The following ATL1 variants were observed in gnomAD, a reference collection of about 807,000 sequenced individuals.
ATL1 encodes atlastin-1.
A neutral mutation model predicts 75.5 loss-of-function variants in ATL1; 31 were observed. The ratio of observed to expected loss-of-function variants is 0.41; its 90% CI spans 0.31 to 0.55. The LOEUF (loss-of-function observed/expected upper bound fraction) is 0.55. ATL1 is among the 20% of genes least tolerant of loss of function. The pLI, the probability that ATL1 is intolerant of heterozygous loss-of-function variation, is 0.27. For synonymous variants in ATL1, 226 were observed against 233.3 expected (o/e 0.97, Z 0.28); for missense variants, 405 against 662.6 (o/e 0.61, Z 4.27).
At chr14:50,538,726 C>G (rs772700471) in intron 1 of ATL1, among the ~76,000 whole-genome samples, 2 of 152,208 alleles carry the variant, frequency 1.3e-5, no homozygotes, top group Non-Finnish European at 2.9e-5. Context: ...CTCTGCAGAG[C>G]AAGGATAATA....
At chr14:50,590,188 A>G (rs550774896) in intron 2 of ATL1, among the ~76,000 whole-genome samples, 6 of 152,240 alleles carry the variant, frequency 3.9e-5, no homozygotes, top group African/African-American at 1.4e-4. Context: ...CCTTTATTAT[A>G]GCACCCCCAC....
chr14:50,593,848 A>G lies in ATL1; in HGVS notation c.525A>G (p.Val175=). 1.3e-6 allele frequency: 2 copies of G among 1,590,896 alleles called. No individual in the cohort carries two copies. Among genetic ancestry groups the G allele is most frequent in the Non-Finnish European group, 1.7e-6 (2 of 1,159,314 alleles). The change falls in exon 5 of 14, where the codon GTA becomes GTG. Residue 175 remains valine (V), a splice_region_variant and synonymous_variant. Coordinates refer to ENST00000358385, the MANE Select transcript of ATL1 (RefSeq NM_015915.5). The stretch of plus-strand genomic sequence containing the variant: ...TGTAATTTTATTTCTTTATCAAGGT[A>G]TATAACTTATCCCAAAATGTCCAGG... ...ALSTMISSIQ[V]YNLSQNVQED...
intron 6 of ATL1, among the ~76,000 whole-genome samples, chr14:50,612,751 T>C (rs2039377642): frequency 6.6e-6 from 1 of 152,058 alleles, no homozygotes; most frequent in Non-Finnish European, 1.5e-5. Context: ...ATCCAGGAGA[T>C]GGGATGTGGG....
chr14:50,581,002 T>C (rs2039049959), intron 1 of ATL1, among the ~76,000 whole-genome samples: 1 of 151,988 alleles, frequency 6.6e-6, no homozygotes, highest in Non-Finnish European at 1.5e-5. Flanking sequence ...TATCCCCATA[T>C]TATTTTAAAA....
At chr14:50,626,718 T>A (rs1311750670) in intron 11 of ATL1, among the ~76,000 whole-genome samples, 1 of 152,254 alleles carries the variant, frequency 6.6e-6, no homozygotes, top group Non-Finnish European at 1.5e-5. Flanking sequence ...AGGGAAAGTG[T>A]GGTATTTATC....
intron 9 of ATL1, 102 bp downstream of exon 9, chr14:50,620,828 G>T: frequency 7.4e-7 from 1 of 1,346,640 alleles, no homozygotes; most frequent in Non-Finnish European, 1.0e-6. Flanking sequence ...TGGGAGCAAA[G>T]GTACGAGGAA....
At chr14:50,567,657 A>G (rs1408519158) in intron 1 of ATL1, among the ~76,000 whole-genome samples, 1 of 152,194 alleles carries the variant, frequency 6.6e-6, no homozygotes, top group Non-Finnish European at 1.5e-5. Context: ...AATAGTTGTC[A>G]TTCTAATGGA....
At chr14:50,557,564 T>C (rs2038779753), upstream of ATL1, among the ~76,000 whole-genome samples, 1 of 152,248 alleles carries the variant, frequency 6.6e-6, no homozygotes, top group Non-Finnish European at 1.5e-5. Flanking sequence ...CGTATATGTA[T>C]TATAATGTAT....
chr14:50,544,262 A>G (rs142690900), intron 1 of ATL1, among the ~76,000 whole-genome samples: 1 of 152,238 alleles, frequency 6.6e-6, no homozygotes, highest in Non-Finnish European at 1.5e-5. Flanking sequence ...AGTGGAAGCC[A>G]TGATGATCAC....
chr14:50,625,136 CT>C (rs2039505399), intron 11 of ATL1, among the ~76,000 whole-genome samples: 1 of 151,970 alleles, frequency 6.6e-6, no homozygotes, highest in African/African-American at 2.4e-5. Flanking sequence ...AGTGAAACAG[CT>C]TTTTTGCTGA....
At chr14:50,604,043 G>C (rs2039294953) in intron 6 of ATL1, among the ~76,000 whole-genome samples, 2 of 152,146 alleles carry the variant, frequency 1.3e-5, no homozygotes, top group South Asian at 4.1e-4. Context: ...GCCATGCACT[G>C]TGCTAAGCAT....
At position 50,568,345 on chromosome 14, in the gene ATL1, A is replaced by G. The variant is rs1051485308; in HGVS notation, c.34+8046A>G. Among the ~76,000 whole-genome samples, 15 of 152,270 alleles carry G rather than the reference A, an allele frequency of 9.9e-5. No individual in the cohort carries two copies. The East Asian group carries it at 2.5e-3, about 25-fold the overall frequency. On this transcript the variant is annotated intron_variant, in intron 1 of 13. Transcript: ENST00000358385. The stretch of plus-strand genomic sequence containing the variant: ...CAGGAGTTTGAGGCTATAATGTGCT[A>G]TGATTTGGCCTGTGACTAGCCACTG...
At chr14:50,558,811 A>G (rs1373844107), upstream of ATL1, among the ~76,000 whole-genome samples, 1 of 152,216 alleles carries the variant, frequency 6.6e-6, no homozygotes, top group African/African-American at 2.4e-5. Context: ...TATAAGGATG[A>G]GATAATGTCT....
intron 1 of ATL1, among the ~76,000 whole-genome samples, chr14:50,570,877 T>C (rs763488125): frequency 3.9e-5 from 6 of 152,204 alleles, no homozygotes; most frequent in Non-Finnish European, 7.3e-5. Flanking sequence ...TTCTTTTTGT[T>C]TTAATTGTTG....
chr14:50,573,854 T>G (rs575609578), intron 1 of ATL1, among the ~76,000 whole-genome samples: 2 of 152,226 alleles, frequency 1.3e-5, no homozygotes, highest in Non-Finnish European at 2.9e-5. Context: ...AATTGTTACA[T>G]CTTCCTAATA....
At position 50,592,597 on chromosome 14, in the gene ATL1, T is replaced by C. The variant is rs2039169399; in HGVS notation, c.522+958T>C. Among the ~76,000 whole-genome samples, 6 of 152,218 alleles carry C rather than the reference T, an allele frequency of 3.9e-5. 1 individual carries two copies. In the South Asian group the frequency reaches 1.2e-3, roughly 32 times the overall value. The stretch of plus-strand genomic sequence containing the variant: ...TAATCAACTTTTAAAAATTAACTTT[T>C]CTTTCAGTTGACAAATAAAAATTAT... On this transcript the variant is annotated intron_variant, in intron 4 of 13. Transcript: ENST00000358385.
intron 1 of ATL1, among the ~76,000 whole-genome samples, chr14:50,541,665 A>G (rs978817211): frequency 5.9e-5 from 9 of 152,164 alleles, no homozygotes; most frequent in African/African-American, 1.9e-4. Flanking sequence ...AGGAAACTGT[A>G]TGGAGTCTCT....
chr14:50,614,631 A>T (rs2039397603), intron 8 of ATL1, 120 bp downstream of exon 8: 1 of 1,183,128 alleles, frequency 8.5e-7, no homozygotes, highest in Non-Finnish European at 1.2e-6. Flanking sequence ...TGATGATTAG[A>T]AATTGTCAGG....
chr14:50,596,490 G>A (rs1206210331), intron 6 of ATL1, among the ~76,000 whole-genome samples: 2 of 152,112 alleles, frequency 1.3e-5, no homozygotes, highest in Non-Finnish European at 2.9e-5. Flanking sequence ...CTTGCTTTAT[G>A]GTACATGCAT....
Sources: allele counts gnomAD v4.1 joint callset (sites outside exome capture counted in the v4.1 genomes callset), GRCh38; gene constraint gnomAD v4.1.1; transcripts MANE v1.5; gene names NCBI Gene and HGNC (gene_info 2026-07-23, HGNC 2026-07-21).